Variants in MAN1A1 observed in about 807,000 individuals in gnomAD.
MAN1A1 encodes the protein mannosyl-oligosaccharide 1,2-alpha-mannosidase IA.
Under a neutral mutation model 70.8 loss-of-function variants are expected in MAN1A1, and 29 were observed. The ratio of observed to expected loss-of-function variants is 0.41; its 90% CI spans 0.31 to 0.56. The LOEUF (loss-of-function observed/expected upper bound fraction) is 0.56. Among genes scored for constraint, MAN1A1 ranks in the 20% least tolerant of loss-of-function variants. The pLI is 0.29. For missense variants in MAN1A1, 747 were observed against 841.3 expected (o/e 0.89, Z 1.39); for synonymous variants, 349 against 330.1 (o/e 1.06, Z -0.62).
chr6:119,348,685 GT>G lies in MAN1A1; in HGVS notation c.380del (p.Asn127ThrfsTer76). On this transcript the variant is annotated frameshift_variant, in exon 2 of 13. Transcript: ENST00000368468. LOFTEE classifies it high-confidence loss of function. The stretch of plus-strand genomic sequence containing the variant: ...TGGCTTCCCTGAGAGCCCGCTCGTG[GT>G]TTTCGCGGATCCTGGCCAAGTTGTC... ...LEDNLARIRE[N>X]HERALREAKE... is the part of the protein sequence containing the mutation. 6.2e-7 allele frequency: 1 copy of G among 1,610,748 alleles called. No individual in the cohort carries two copies. Among genetic ancestry groups the G allele is most frequent in the Non-Finnish European group, 8.5e-7 (1 of 1,178,736 alleles).
At chr6:119,346,302 C>T (rs546700528) in intron 2 of MAN1A1, among the ~76,000 whole-genome samples, 16 of 152,254 alleles carry the variant, frequency 1.1e-4, no homozygotes, top group South Asian at 8.3e-4. Context: ...TTTAGAACAG[C>T]ATCATAATTT....
At chr6:119,186,085 T>C (rs1489268288) in intron 11 of MAN1A1, among the ~76,000 whole-genome samples, 2 of 152,104 alleles carry the variant, frequency 1.3e-5, no homozygotes, top group African/African-American at 4.8e-5. Context: ...AGGGAGATTT[T>C]TTCCCTCTGG....
rs571969106 is a variant in MAN1A1, at chr6:119,287,172, G to GTT, written c.897+3510_897+3511insAA. Among the ~76,000 whole-genome samples, 619 of 152,208 alleles carry GTT rather than the reference G, an allele frequency of 4.1e-3. 4 individuals carry two copies. Among genetic ancestry groups the GTT allele is most frequent in the Non-Finnish European group, 7.2e-3 (490 of 67,984 alleles). ...TGAGTAGAGTAACAGAAGGGTGGAA[G>GTT]AAATAGTCCATGTTACTAATTGCAG... is the stretch of plus-strand genomic sequence containing the variant. On this transcript the variant is annotated intron_variant, in intron 5 of 12. Coordinates refer to ENST00000368468, the MANE Select transcript of MAN1A1 (RefSeq NM_005907.4).
At chr6:119,345,851 G>A (rs995365004) in intron 2 of MAN1A1, among the ~76,000 whole-genome samples, 4 of 152,216 alleles carry the variant, frequency 2.6e-5, no homozygotes, top group Non-Finnish European at 5.9e-5. Flanking sequence ...GCTCATACCT[G>A]TAATCCCAGC....
intron 6 of MAN1A1, among the ~76,000 whole-genome samples, chr6:119,206,491 T>C (rs916799173): frequency 1.3e-5 from 2 of 151,980 alleles, no homozygotes; most frequent in East Asian, 3.9e-4. Flanking sequence ...AAACCTAGAG[T>C]TTCCTCCAAA....
In MAN1A1 at chr6:119,344,250, G is replaced by A. The variant is rs1016381058; in HGVS notation, c.603+4213C>T. Reference sequence around the variant, plus strand: ...AAGCTCCTTTATATGAATCCCAGTTGCCTTGATAAGAGGAAGACAGAATAT... The same window carrying A: ...AAGCTCCTTTATATGAATCCCAGTTACCTTGATAAGAGGAAGACAGAATAT... On this transcript the variant is annotated intron_variant, in intron 2 of 12. Coordinates refer to ENST00000368468, the MANE Select transcript of MAN1A1 (RefSeq NM_005907.4). 7.2e-5 allele frequency among the ~76,000 whole-genome samples: 11 copies of A among 152,262 alleles called. No homozygotes were observed. The East Asian group carries it at 1.7e-3, about 24-fold the overall frequency.
intron 5 of MAN1A1, among the ~76,000 whole-genome samples, chr6:119,281,901 CA>C (rs113474047): frequency 0.38 from 56,815 of 147,830 alleles, 11,168 homozygotes; most frequent in Non-Finnish European, 0.41. Flanking sequence ...ACTAAAAATA[CA>C]AAAAAAAAAA....
intron 2 of MAN1A1, among the ~76,000 whole-genome samples, chr6:119,331,331 T>C (rs1773303182): frequency 6.6e-6 from 1 of 151,952 alleles, no homozygotes; most frequent in Non-Finnish European, 1.5e-5. Context: ...GGTCACACTT[T>C]ATAGAATCTC....
At chr6:119,247,671 A>C (rs1046035820) in intron 6 of MAN1A1, among the ~76,000 whole-genome samples, 1 of 152,158 alleles carries the variant, frequency 6.6e-6, no homozygotes, top group South Asian at 2.1e-4. Context: ...TTGGAGCCAC[A>C]TTCTCAAGAA....
chr6:119,280,459 C>T lies in MAN1A1; in HGVS notation c.897+10224G>A, dbSNP rs9489660. ...CAATGGGGACTGTGTTTCTCTTATT[C>T]ACTGTTGTTTCTGCGGCACCAACTG... On this transcript the variant is annotated intron_variant, in intron 5 of 12. Coordinates refer to ENST00000368468, the MANE Select transcript of MAN1A1 (RefSeq NM_005907.4). 2.0e-5 allele frequency among the ~76,000 whole-genome samples: 3 copies of T among 152,300 alleles called. No individual in the cohort carries two copies. In the East Asian group the frequency reaches 5.8e-4, roughly 29 times the overall value.
At chr6:119,287,004 T>C (rs1776392473) in intron 5 of MAN1A1, among the ~76,000 whole-genome samples, 1 of 152,160 alleles carries the variant, frequency 6.6e-6, no homozygotes, top group Non-Finnish European at 1.5e-5. Context: ...TACTTCCTTA[T>C]ACTACTCAGT....
chr6:119,231,891 G>A (rs1167166232), intron 6 of MAN1A1, among the ~76,000 whole-genome samples: 1 of 152,170 alleles, frequency 6.6e-6, no homozygotes, highest in Non-Finnish European at 1.5e-5. Context: ...CAAGAAAGGT[G>A]CTATGTATAT....
At chr6:119,219,312 G>C (rs1335784896) in intron 6 of MAN1A1, among the ~76,000 whole-genome samples, 1 of 151,738 alleles carries the variant, frequency 6.6e-6, no homozygotes, top group Admixed American at 6.6e-5. Context: ...AGAGACTAAA[G>C]GTAAATTAGG....
chr6:119,240,436 G>A (rs552024291), intron 6 of MAN1A1, among the ~76,000 whole-genome samples: 2 of 152,252 alleles, frequency 1.3e-5, no homozygotes, highest in African/African-American at 2.4e-5. Flanking sequence ...CACAGCAGGA[G>A]CCTGAGCAGA....
chr6:119,196,570 G>GTA (rs1274118832), intron 8 of MAN1A1, among the ~76,000 whole-genome samples: 5 of 152,092 alleles, frequency 3.3e-5, no homozygotes, highest in Non-Finnish European at 5.9e-5. Context: ...GAGGTGTACT[G>GTA]TAGTCAGTCA....
intron 7 of MAN1A1, among the ~76,000 whole-genome samples, chr6:119,204,374 G>A (rs112003920): frequency 9.4e-4 from 143 of 152,264 alleles, no homozygotes; most frequent in Non-Finnish European, 1.8e-3. Flanking sequence ...GTTTGCTTTC[G>A]GAAAACGAGG....
intron 6 of MAN1A1, among the ~76,000 whole-genome samples, chr6:119,235,185 C>T (rs145239776): frequency 6.6e-6 from 1 of 152,282 alleles, no homozygotes; most frequent in East Asian, 1.9e-4. Flanking sequence ...TGAGTGTTCA[C>T]ATGAAAGTGA....
At chr6:119,238,461 T>G (rs1220497312) in intron 6 of MAN1A1, among the ~76,000 whole-genome samples, 1 of 152,226 alleles carries the variant, frequency 6.6e-6, no homozygotes, top group African/African-American at 2.4e-5. Context: ...ATACCCATCT[T>G]AAAATGGCAT....
At position 119,306,982 on chromosome 6, in the gene MAN1A1, T is replaced by A; in HGVS notation, c.614A>T (p.His205Leu). 6.3e-7 allele frequency: 1 copy of A among 1,574,992 alleles called. No homozygotes were observed. The highest frequency in any genetic ancestry group is 8.7e-7 in the Non-Finnish European group (1 of 1,146,922). The change falls in exon 3 of 13, where the codon CAT (histidine) becomes CTT (leucine). Residue 205 changes from histidine to leucine, a missense_variant. Coordinates refer to ENST00000368468, the MANE Select transcript of MAN1A1 (RefSeq NM_005907.4). Reference sequence around the variant, plus strand: ...ATAACCTTTATAATTATTCCAAGCATGTTTCATCATCTGAAAAAAAAAATA... The same window carrying A: ...ATAACCTTTATAATTATTCCAAGCAAGTTTCATCATCTGAAAAAAAAAATA... ...KRAKIKEMMK[H>L]AWNNYKGYAW...
Sources: gnomAD v4.1 joint callset for allele counts (sites outside exome capture counted in the v4.1 genomes callset) on GRCh38, gnomAD v4.1.1 for gene constraint, MANE v1.5 for transcripts, NCBI Gene and HGNC (gene_info 2026-07-23, HGNC 2026-07-21) for gene names.